NBPF10: variants seen among roughly 807,000 people sequenced by gnomAD.
NBPF10 encodes NBPF member 10, also known as NBPF family member NBPF10.
A neutral mutation model predicts 77.9 loss-of-function variants in NBPF10; 63 were observed. The observed-to-expected ratio is 0.81, with a 90% CI of 0.66 to 1.00. The LOEUF (loss-of-function observed/expected upper bound fraction) is 1.00. NBPF10 is among the 50% of genes least tolerant of loss of function. NBPF10 has a pLI of 0.00. For missense variants in NBPF10, 522 were observed against 679.8 expected (o/e 0.77, Z 2.58); for synonymous variants, 146 against 264.5 (o/e 0.55, Z 4.35).
chr1:146,121,963 G>T (rs1553788706), intron 19 of NBPF10, among the ~76,000 whole-genome samples: 7 of 130,062 alleles, frequency 5.4e-5, no homozygotes, highest in African/African-American at 2.2e-4. Flanking sequence ...CTCTGAGTTA[G>T]TGCCCTCATG....
exon 1 of NBPF10, chr1:146,144,616 C>G: frequency 2.5e-6 from 3 of 1,211,812 alleles, no homozygotes; most frequent in Non-Finnish European, 2.2e-6. Flanking sequence ...TGTCGGTTGG[C>G]CAGGAAGCCG....
At chr1:146,126,106 C>G (rs1263991434) in intron 14 of NBPF10, 130 bp downstream of exon 14, 8 of 695,448 alleles carry the variant, frequency 1.2e-5, no homozygotes, top group Middle Eastern at 3.9e-4. Context: ...TTCATTCAAC[C>G]TACATGTGCC....
chr1:146,076,298 C>CACAT (rs1656046099), intron 77 of NBPF10, among the ~76,000 whole-genome samples: 4 of 11,832 alleles, frequency 3.4e-4, no homozygotes, highest in East Asian at 2.5e-3. Context: ...CACACACACA[C>CACAT]ACACAGAGAG....
At chr1:146,126,795 G>T (rs371931916) in intron 13 of NBPF10, among the ~76,000 whole-genome samples, 1 of 128,956 alleles carries the variant, frequency 7.8e-6, no homozygotes. Context: ...GTTACCATGA[G>T]AATACAGCTT....
At chr1:146,067,780 C>T (rs868967951) in intron 88 of NBPF10, among the ~76,000 whole-genome samples, 1 of 151,702 alleles carries the variant, frequency 6.6e-6, no homozygotes, top group South Asian at 2.1e-4. Context: ...GATCAGGGCG[C>T]CACAGGTATG....
chr1:146,073,051 G>C (rs1655814017), intron 81 of NBPF10, 150 bp from the exon 82 acceptor site: 2 of 263,768 alleles, frequency 7.6e-6, no homozygotes, highest in East Asian at 5.7e-5. Flanking sequence ...TTTATGTTGG[G>C]ATAGACCAGG....
At chr1:146,069,616 G>A in exon 86 of NBPF10, 2 of 1,570,036 alleles carry the variant, frequency 1.3e-6, no homozygotes, top group South Asian at 2.2e-5. Flanking sequence ...GCTGGCATGA[G>A]TCACACAGTT....
intron 88 of NBPF10, 99 bp downstream of exon 88, chr1:146,067,904 T>G: frequency 5.7e-6 from 4 of 704,620 alleles, no homozygotes; most frequent in South Asian, 1.5e-5. Context: ...CCTGCGGCAA[T>G]GACGTCTCTC....
intron 15 of NBPF10, 116 bp from the exon 16 acceptor site, chr1:146,124,976 T>C: frequency 4.1e-6 from 1 of 245,412 alleles, no homozygotes; most frequent in Non-Finnish European, 6.9e-6. Context: ...GACAGATCCA[T>C]TAACGAGGTA....
chr1:146,067,952 C>A (rs868917783), intron 88 of NBPF10, 51 bp downstream of exon 88: 38 of 641,312 alleles, frequency 5.9e-5, no homozygotes, highest in African/African-American at 3.1e-4. Context: ...AATATCACCC[C>A]TATCTGGAAG....
chr1:146,076,290 C>CACACAG (rs1656042532), intron 77 of NBPF10, among the ~76,000 whole-genome samples: 1 of 11,044 alleles, frequency 9.1e-5, no homozygotes, highest in Non-Finnish European at 3.0e-4. Context: ...CACACACACA[C>CACACAG]ACACACACAC....
At chr1:146,067,496 T>C (rs1571103152) in intron 88 of NBPF10, among the ~76,000 whole-genome samples, 2 of 144,944 alleles carry the variant, frequency 1.4e-5, no homozygotes, top group South Asian at 2.3e-4. Flanking sequence ...ATGTCCCTAT[T>C]CTAGTAGATC....
chr1:146,067,529 C>A (rs1191623726), intron 88 of NBPF10, among the ~76,000 whole-genome samples: 2 of 149,234 alleles, frequency 1.3e-5, no homozygotes, highest in East Asian at 4.0e-4. Context: ...TCATTTGTCC[C>A]AAGTTTGTGC....
chr1:146,109,405 T>A (rs1553785562), intron 35 of NBPF10, among the ~76,000 whole-genome samples: 6 of 31,200 alleles, frequency 1.9e-4, no homozygotes, highest in Admixed American at 4.8e-4. Flanking sequence ...GATGAGGGAG[T>A]AACAGGACAC....
At chr1:146,126,369 G>A (rs782605368) in exon 14 of NBPF10, 15 of 1,385,908 alleles carry the variant, frequency 1.1e-5, no homozygotes, top group Non-Finnish European at 1.2e-5. Flanking sequence ...AGTCCTGCAA[G>A]ACTTCAGGCC....
At chr1:146,124,575 C>A in intron 16 of NBPF10, 113 bp downstream of exon 16, 2 of 47,034 alleles carry the variant, frequency 4.3e-5, no homozygotes, top group Non-Finnish European at 7.2e-5. Context: ...GCCCATAGGT[C>A]CTGCCTGCGG....
chr1:146,067,224 CCTT>C (rs782271668), exon 89 of NBPF10: 1 of 566,382 alleles, frequency 1.8e-6, no homozygotes, highest in African/African-American at 2.0e-5. Context: ...CTTTTCTTCC[CCTT>C]CTTCTTTCCT....
exon 14 of NBPF10, chr1:146,126,408 C>A: frequency 8.0e-7 from 1 of 1,244,022 alleles, no homozygotes; most frequent in Non-Finnish European, 1.2e-6. Flanking sequence ...CCCTGCTGAG[C>A]GTGGAAAAGT....
chr1:146,140,291 A>G (rs1553796892), intron 4 of NBPF10, among the ~76,000 whole-genome samples, 193 bp downstream of exon 4: 1 of 127,660 alleles, frequency 7.8e-6, no homozygotes, highest in East Asian at 2.7e-4. Flanking sequence ...CCTGCATGGT[A>G]CAGACATGAC....
Sources: allele counts gnomAD v4.1 joint callset (sites outside exome capture counted in the v4.1 genomes callset), GRCh38; gene constraint gnomAD v4.1.1; transcripts MANE v1.5; gene names NCBI Gene and HGNC (gene_info 2026-07-23, HGNC 2026-07-21).